FAT3: variants seen among roughly 807,000 people sequenced by gnomAD.
The protein encoded by FAT3 is FAT atypical cadherin 3.
Under a neutral mutation model 310.2 loss-of-function variants are expected in FAT3, and 95 were observed. That is an observed-to-expected ratio of 0.31 (90% CI 0.26 to 0.36). The LOEUF (loss-of-function observed/expected upper bound fraction) is 0.36. Ranked by LOEUF, FAT3 falls within the 10% of genes least tolerant of loss-of-function variation. The pLI is 1.00. For synonymous variants in FAT3, 2,314 were observed against 2,192.9 expected (o/e 1.06, Z -1.54); for missense variants, 5,408 against 5,715.6 (o/e 0.95, Z 1.74).
At chr11:92,780,033 A>T (rs1405983448) in intron 7 of FAT3, among the ~76,000 whole-genome samples, 2 of 152,156 alleles carry the variant, frequency 1.3e-5, no homozygotes, top group East Asian at 3.9e-4. Context: ...ATTTTGGGGC[A>T]GTCATCCCCA....
At chr11:92,743,724 G>T (rs923915246) in intron 4 of FAT3, among the ~76,000 whole-genome samples, 1 of 152,192 alleles carries the variant, frequency 6.6e-6, no homozygotes, top group Non-Finnish European at 1.5e-5. Context: ...GGCAGTATTG[G>T]ATGACGAGGC....
intron 1 of FAT3, among the ~76,000 whole-genome samples, chr11:92,344,985 C>T (rs1216763746): frequency 1.3e-5 from 2 of 152,046 alleles, no homozygotes; most frequent in Admixed American, 1.3e-4. Flanking sequence ...TTAAAGGCTC[C>T]AGGAAGTTCT....
In FAT3 at chr11:92,229,505, TTGTTTTTTG is replaced by T. The variant is rs1171821935; in HGVS notation, c.-18+4333_-18+4341del. Among the ~76,000 whole-genome samples the T allele has an allele frequency of 2.9e-3, 198 of 68,916 alleles. 18 individuals carry two copies. Among genetic ancestry groups the T allele is most frequent in the African/African-American group, 7.9e-3 (181 of 22,906 alleles). 45.2% of individuals were successfully genotyped at this position (68,916 alleles called of 152,430 possible). On this transcript the variant is annotated intron_variant, in intron 1 of 27. Coordinates refer to ENST00000525166, the MANE Select transcript of FAT3 (RefSeq NM_001367949.2). ...TTGTTTTTTCGTGTTTTTTTTTTTT[TTGTTTTTTG>T]TTTTTTTTTACATTGCCTCCCTTTC...
Position 92,800,031 on chromosome 11 carries a change from G to A in FAT3, c.7018G>A (p.Asp2340Asn), listed in dbSNP as rs780111568. The change falls in exon 10 of 28, where the codon GAT becomes AAT. Residue 2340 changes from aspartate (D) to asparagine (N), a missense_variant. Physicochemically the swap from Asp to Asn is conservative, Grantham distance 23. Transcript: ENST00000525166. ...CAATAGCACAGATTATTTTCACATA[G>A]ATAGCTCAAGTGGCTTAATCCTGAC... ...TYNSTDYFHI[D>N]SSSGLILTAR... 1 of 1,613,916 alleles carries A rather than the reference G, an allele frequency of 6.2e-7. No homozygotes were observed.
At chr11:92,843,468 G>C (rs1001546169) in intron 18 of FAT3, among the ~76,000 whole-genome samples, 6 of 152,310 alleles carry the variant, frequency 3.9e-5, no homozygotes, top group African/African-American at 1.4e-4. Flanking sequence ...ACCTTACCAT[G>C]ATATAATTCC....
chr11:92,792,924 C>A lies in FAT3; in HGVS notation c.4769C>A (p.Ala1590Asp). Residue 1590 changes from alanine (A) to aspartate (D), a missense_variant, in exon 9 of 28, where the codon GCT (alanine) becomes GAT (aspartate). By Grantham distance (126) the Ala-to-Asp change is moderately radical. This residue lies in a region of FAT3 where 4,588 missense variants were observed against 4,809.8 expected (regional missense o/e 0.95). Coordinates refer to ENST00000525166, the MANE Select transcript of FAT3 (RefSeq NM_001367949.2). ...GGATCAGCTGTTCTGCAAGTGACGG[C>A]TCTGGACAAAGACAAAGGAGAAAAT... ...ALGSAVLQVT[A>D]LDKDKGENAE... is the part of the protein sequence containing the mutation. 6.2e-7 allele frequency: 1 copy of A among 1,613,732 alleles called. No homozygotes were observed. The highest frequency in any genetic ancestry group is 8.5e-7 in the Non-Finnish European group (1 of 1,179,784).
At chr11:92,396,580 C>T (rs534591294) in intron 2 of FAT3, among the ~76,000 whole-genome samples, 7 of 152,222 alleles carry the variant, frequency 4.6e-5, no homozygotes, top group Non-Finnish European at 8.8e-5. Flanking sequence ...CCAGGGACCC[C>T]GTGGAAGTGC....
intron 4 of FAT3, among the ~76,000 whole-genome samples, chr11:92,742,270 A>G (rs754663185): frequency 2.6e-5 from 4 of 152,236 alleles, no homozygotes; most frequent in Non-Finnish European, 5.9e-5. Flanking sequence ...AGAAGGCATC[A>G]TAAAGGGACA....
rs1356173987 is a variant in FAT3, at chr11:92,831,925, G to A, written c.9785G>A (p.Ser3262Asn). The A allele has an allele frequency of 1.2e-6, 2 of 1,606,436 alleles. No homozygotes were observed. The highest frequency in any genetic ancestry group is 3.4e-5 in the Admixed American group (2 of 58,812). ...GTQVLAVFATSKDIGTNAEIT... is the reference protein window; with the variant it reads ...GTQVLAVFATNKDIGTNAEIT... The stretch of plus-strand genomic sequence containing the variant: ...CAAGTCCTTGCTGTTTTTGCCACCA[G>A]CAAAGATATTGGCACAAATGCTGAG... Residue 3262 changes from serine to asparagine, a missense_variant, in exon 14 of 28, where the codon AGC becomes AAC. Coordinates refer to ENST00000525166, the MANE Select transcript of FAT3 (RefSeq NM_001367949.2).
chr11:92,492,102 C>A (rs1346475836), intron 2 of FAT3, among the ~76,000 whole-genome samples: 1 of 152,078 alleles, frequency 6.6e-6, no homozygotes, highest in African/African-American at 2.4e-5. Context: ...ATTTGCTAGA[C>A]CTAGGTGATT....
chr11:92,673,929 C>A (rs1943207365), intron 3 of FAT3, among the ~76,000 whole-genome samples: 1 of 151,980 alleles, frequency 6.6e-6, no homozygotes, highest in Non-Finnish European at 1.5e-5. Flanking sequence ...GCCTATAATC[C>A]TAGCATTTTG....
intron 5 of FAT3, among the ~76,000 whole-genome samples, chr11:92,762,983 C>A (rs942038836): frequency 6.6e-6 from 1 of 152,002 alleles, no homozygotes; most frequent in African/African-American, 2.4e-5. Flanking sequence ...CATGGTAAAA[C>A]CCCGTCTCTA....
Position 92,277,941 on chromosome 11 carries a change from G to A in FAT3, c.-18+52767G>A, listed in dbSNP as rs575397379. Among the ~76,000 whole-genome samples the A allele has an allele frequency of 1.8e-4, 28 of 151,960 alleles. 1 individual carries two copies. In the South Asian group the frequency reaches 5.6e-3, roughly 31 times the overall value. ...ACTAAAAACAACAAAAAAATTAGCT[G>A]GGCCTGGTGGCACAAGCCTGTATTC... is the stretch of plus-strand genomic sequence containing the variant. On this transcript the variant is annotated intron_variant, in intron 1 of 27. Coordinates refer to ENST00000525166, the MANE Select transcript of FAT3 (RefSeq NM_001367949.2).
intron 1 of FAT3, among the ~76,000 whole-genome samples, chr11:92,250,606 A>C (rs1175237976): frequency 6.6e-6 from 1 of 152,134 alleles, no homozygotes; most frequent in Non-Finnish European, 1.5e-5. Context: ...AATTTAATAC[A>C]TCAGAAGGGA....
At chr11:92,797,777 T>C (rs1348008882) in intron 9 of FAT3, 59 bp from the exon 10 acceptor site, 2 of 1,449,368 alleles carry the variant, frequency 1.4e-6, no homozygotes. Flanking sequence ...AAAGAGTTAA[T>C]CAAAAAGATT....
chr11:92,397,607 G>T (rs1203402762), intron 2 of FAT3, among the ~76,000 whole-genome samples: 1 of 152,072 alleles, frequency 6.6e-6, no homozygotes. Flanking sequence ...TGGACTCATA[G>T]CAAGTCTCAC....
intron 1 of FAT3, among the ~76,000 whole-genome samples, chr11:92,322,488 T>C (rs904554347): frequency 5.3e-5 from 8 of 152,212 alleles, no homozygotes; most frequent in African/African-American, 1.9e-4. Flanking sequence ...ATTGTCCTCA[T>C]TGACTCTTCC....
chr11:92,725,428 A>G (rs1343803567), intron 4 of FAT3, among the ~76,000 whole-genome samples: 3 of 152,086 alleles, frequency 2.0e-5, no homozygotes, highest in African/African-American at 4.8e-5. Context: ...TCTCCCAACT[A>G]CCTCATCAAA....
At chr11:92,678,881 G>A (rs1943375643) in intron 3 of FAT3, among the ~76,000 whole-genome samples, 1 of 152,080 alleles carries the variant, frequency 6.6e-6, no homozygotes, top group South Asian at 2.1e-4. Flanking sequence ...TCAAATCATG[G>A]CTTTTAGGGT....
Sources: allele counts gnomAD v4.1 joint callset (sites outside exome capture counted in the v4.1 genomes callset), GRCh38; gene constraint gnomAD v4.1.1; regional missense constraint gnomAD v4.1.1; transcripts MANE v1.5; gene names NCBI Gene and HGNC (gene_info 2026-07-23, HGNC 2026-07-21).